ZBP1: variants seen among roughly 807,000 people sequenced by gnomAD.
The protein encoded by ZBP1 is Z-DNA-binding protein 1.
A neutral mutation model predicts 41.1 loss-of-function variants in ZBP1; 42 were observed. That is an observed-to-expected ratio of 1.02 (90% confidence interval 0.80 to 1.32). The LOEUF (loss-of-function observed/expected upper bound fraction) is 1.32. ZBP1 is among the 40% of genes most tolerant of loss of function. The pLI, the probability that ZBP1 is intolerant of heterozygous loss-of-function variation, is 0.00. For missense variants in ZBP1, 562 were observed against 549.7 expected (o/e 1.02, Z -0.22); for synonymous variants, 214 against 205.2 (o/e 1.04, Z -0.37).
chr20:57,606,502 G>T (rs2146555668), intron 7 of ZBP1, among the ~76,000 whole-genome samples: 1 of 152,386 alleles, frequency 6.6e-6, no homozygotes, highest in Middle Eastern at 3.4e-3. Context: ...CAACAGAGCA[G>T]GTTCTTAATG....
chr20:57,615,364 T>G (rs1047169106), intron 3 of ZBP1, 148 bp downstream of exon 3: 1 of 860,834 alleles, frequency 1.2e-6, no homozygotes, highest in Non-Finnish European at 1.9e-6. Flanking sequence ...GGGCTGGGTC[T>G]TGGCTCTGAA....
At position 57,616,319 on chromosome 20, in the gene ZBP1, A is replaced by G; in HGVS notation, c.184T>C (p.Ser62Pro). The stretch of plus-strand genomic sequence containing the variant: ...CCGCCCAAGCACCAGGTGGCAGGGG[A>G]TGTGAGGGAGACTTTCAACTCCTTT... ...MKKELKVSLT[S>P]PATWCLGGTD... is the part of the protein sequence containing the mutation. The change falls in exon 2 of 8, where the codon TCC (serine) becomes CCC (proline). Residue 62 changes from serine to proline, a missense_variant. Coordinates refer to ENST00000371173, the MANE Select transcript of ZBP1 (RefSeq NM_030776.3). The G allele has an allele frequency of 6.2e-7, 1 of 1,614,042 alleles. No homozygotes were observed. Among genetic ancestry groups the G allele is most frequent in the Non-Finnish European group, 8.5e-7 (1 of 1,180,010 alleles).
In ZBP1 at chr20:57,611,925, C is replaced by T. The variant is rs989550910; in HGVS notation, c.676G>A (p.Ala226Thr). Residue 226 changes from alanine to threonine, a missense_variant, in exon 6 of 8, where the codon GCC becomes ACC. Ala to Thr is a moderately conservative substitution (Grantham distance 58, BLOSUM62 0). Coordinates refer to ENST00000371173, the MANE Select transcript of ZBP1 (RefSeq NM_030776.3). ...RQTVSREDGS[A>T]GPRHLPSMAP... Reference sequence around the variant, plus strand: ...ATTGAAGGGAGGTGGCGTGGACCGGCGGAACCTGGCAGGGGACAGTGGCAC... The same window carrying T: ...ATTGAAGGGAGGTGGCGTGGACCGGTGGAACCTGGCAGGGGACAGTGGCAC... The T allele has an allele frequency of 1.1e-5, 17 of 1,555,506 alleles. No individual in the cohort carries two copies. Among genetic ancestry groups the T allele is most frequent in the African/African-American group, 1.4e-5 (1 of 73,412 alleles).
At chr20:57,614,017 T>A (rs1330246208) in intron 4 of ZBP1, among the ~76,000 whole-genome samples, 1 of 152,206 alleles carries the variant, frequency 6.6e-6, no homozygotes, top group Non-Finnish European at 1.5e-5. Flanking sequence ...TAACCCAGGC[T>A]GGATTTTTAA....
chr20:57,615,798 C>T, intron 2 of ZBP1: 1 of 546,040 alleles, frequency 1.8e-6, no homozygotes, highest in Non-Finnish European at 3.2e-6. Context: ...TCCTTTGCCT[C>T]CTGGGGTTGT....
In ZBP1 at chr20:57,604,288, G is replaced by T. The variant is rs541956989; in HGVS notation, c.*285C>A. Reference sequence around the variant, plus strand: ...CCGAGCCCAGGAAAGAGTGGAGAGAGTCCCCTGGGCCTGGGGGACCGAGCC... The same window carrying T: ...CCGAGCCCAGGAAAGAGTGGAGAGATTCCCCTGGGCCTGGGGGACCGAGCC... On this transcript the variant is annotated 3_prime_UTR_variant, in exon 8 of 8. Transcript: ENST00000371173. 10 of 575,972 alleles carry T rather than the reference G, an allele frequency of 1.7e-5. No homozygotes were observed. The highest frequency in any genetic ancestry group is 1.6e-4 in the South Asian group (10 of 64,220). 35.7% of individuals were successfully genotyped at this position (575,972 alleles called of 1,614,324 possible).
chr20:57,616,858 T>TCCTGCCTGGGACG, intron 1 of ZBP1: 1 of 252,258 alleles, frequency 4.0e-6, no homozygotes, highest in Non-Finnish European at 7.9e-6. Flanking sequence ...CAAAGGCAAG[T>TCCTGCCTGGGACG]CCTGCCTGGG....
Position 57,604,835 on chromosome 20 carries a change from G to A in ZBP1, c.1094-66C>T, listed in dbSNP as rs564312535. 26 of 1,451,826 alleles carry A rather than the reference G, an allele frequency of 1.8e-5. No homozygotes were observed. In the Admixed American group the frequency reaches 2.4e-4, roughly 13 times the overall value. The allele number at this position is 1,451,826 out of a possible 1,614,324, so 89.9% of individuals were successfully genotyped here. A position where few individuals can be genotyped will look rare whatever the true frequency, so the allele number is the denominator to read the frequency against. ...GGCCTGGGCATTTCCACAGGGACCC[G>A]CTCTTGGAAGGATTTCGAGCTCAGC... is the stretch of plus-strand genomic sequence containing the variant. On this transcript the variant is annotated intron_variant, in intron 7 of 7. Coordinates refer to ENST00000371173, the MANE Select transcript of ZBP1 (RefSeq NM_030776.3).
Position 57,604,666 on chromosome 20 carries a change from C to G in ZBP1, c.1197G>C (p.Met399Ile), listed in dbSNP as rs2070451553. ...CTTTGTGACTCCTGTTTCCAAGAGT[C>G]ATAGTTTCCAGCTTGGGGGTGAGCT... ...HSKLTPKLETMTLGNRSHKAA... is the reference protein window; with the variant it reads ...HSKLTPKLETITLGNRSHKAA... Residue 399 changes from methionine (M) to isoleucine (I), a missense_variant, in exon 8 of 8, where the codon ATG (methionine) becomes ATC (isoleucine). Transcript: ENST00000371173. 6.2e-7 allele frequency: 1 copy of G among 1,614,056 alleles called. No homozygotes were observed. The highest frequency in any genetic ancestry group is 1.3e-5 in the African/African-American group (1 of 74,920).
At chr20:57,615,150 C>T in intron 3 of ZBP1, 90 bp from the exon 4 acceptor site, 2 of 1,390,500 alleles carry the variant, frequency 1.4e-6, no homozygotes, top group South Asian at 2.6e-5. Flanking sequence ...CTGGACCCAG[C>T]CCCTCAAGGC....
chr20:57,620,078 C>T (rs757745136), intron 1 of ZBP1, 184 bp downstream of exon 1: 7 of 662,688 alleles, frequency 1.1e-5, no homozygotes, highest in Non-Finnish European at 1.9e-5. Context: ...CTTAAACAGT[C>T]CACCTACCTC....
At position 57,610,601 on chromosome 20, in the gene ZBP1, C is replaced by T; in HGVS notation, c.875-234G>A. On this transcript the variant is annotated intron_variant, in intron 6 of 7. Coordinates refer to ENST00000371173, the MANE Select transcript of ZBP1 (RefSeq NM_030776.3). The surrounding 1 kb of genome is among the most constrained non-coding windows in gnomAD (Gnocchi z 5.5). ...CCACTGATCCCGCAGTGGGTCTGCC[C>T]CACTGATCCCGCCCGGCTGATCTGG... is the stretch of plus-strand genomic sequence containing the variant. The T allele has an allele frequency of 1.7e-6, 1 of 584,460 alleles. No individual in the cohort carries two copies. Among genetic ancestry groups the T allele is most frequent in the Non-Finnish European group, 3.1e-6 (1 of 327,276 alleles). The allele number at this position is 584,460 out of a possible 1,614,324, so 36.2% of individuals were successfully genotyped here.
At chr20:57,608,641 C>T (rs2070558084) in intron 7 of ZBP1, among the ~76,000 whole-genome samples, 2 of 152,270 alleles carry the variant, frequency 1.3e-5, no homozygotes, top group African/African-American at 4.8e-5. Flanking sequence ...CTCCCAGATG[C>T]TCATGGCCTG....
At chr20:57,612,836 C>T (rs981702263) in intron 5 of ZBP1, 15 of 1,066,846 alleles carry the variant, frequency 1.4e-5, no homozygotes, top group Non-Finnish European at 1.4e-5. Context: ...TGAAAAACAC[C>T]GGACCCCATT....
Position 57,604,098 on chromosome 20 carries a change from T to C in ZBP1, c.*475A>G, listed in dbSNP as rs1454404434. On this transcript the variant is annotated 3_prime_UTR_variant, in exon 8 of 8. Coordinates refer to ENST00000371173, the MANE Select transcript of ZBP1 (RefSeq NM_030776.3). ...CCATGTTAGCCAGGACGGTCTGGAT[T>C]TCCTGACCTATTGATCCGCCCGCCT... 7.3e-6 allele frequency: 2 copies of C among 273,518 alleles called. No homozygotes were observed. The highest frequency in any genetic ancestry group is 7.2e-6 in the Non-Finnish European group (1 of 138,688). The allele number at this position is 273,518 out of a possible 1,614,324, so 16.9% of individuals were successfully genotyped here. A position where few individuals can be genotyped will look rare whatever the true frequency, so the allele number is the denominator to read the frequency against.
At position 57,620,296 on chromosome 20, in the gene ZBP1, G is replaced by T. The variant is rs2070978049; in HGVS notation, c.-1C>A. 1.9e-6 allele frequency: 3 copies of T among 1,595,722 alleles called. No homozygotes were observed. The highest frequency in any genetic ancestry group is 2.6e-6 in the Non-Finnish European group (3 of 1,170,660). On this transcript the variant is annotated 5_prime_UTR_variant, in exon 1 of 8. Coordinates refer to ENST00000371173, the MANE Select transcript of ZBP1 (RefSeq NM_030776.3). The stretch of plus-strand genomic sequence containing the variant: ...CCGGGTCAGCAGGAGCCTGGGCCAT[G>T]CTGACAGCAGCTGCAAGGAGTCGGA...
intron 1 of ZBP1, among the ~76,000 whole-genome samples, chr20:57,618,972 G>T (rs190227872): frequency 1.3e-5 from 2 of 152,374 alleles, no homozygotes; most frequent in Admixed American, 1.3e-4. Context: ...GTGGATGCAG[G>T]ACAAGCACTG....
intron 2 of ZBP1, 49 bp from the exon 3 acceptor site, chr20:57,615,629 C>T (rs377430559): frequency 9.0e-6 from 14 of 1,549,046 alleles, no homozygotes; most frequent in Non-Finnish European, 1.1e-5. Context: ...AAGACAGCAC[C>T]AGGCCTCCAC....
At chr20:57,616,631 G>A (rs989544054) in intron 1 of ZBP1, 163 bp from the exon 2 acceptor site, 12 of 672,258 alleles carry the variant, frequency 1.8e-5, no homozygotes, top group African/African-American at 1.3e-4. Flanking sequence ...AGAGCAGTAG[G>A]GCAGCTGCAT....
Sources: gnomAD v4.1 joint callset for allele counts (sites outside exome capture counted in the v4.1 genomes callset) on GRCh38, gnomAD v4.1.1 for gene constraint, Gnocchi (gnomAD v3.1) non-coding constraint, MANE v1.5 for transcripts, NCBI Gene and HGNC (gene_info 2026-07-23, HGNC 2026-07-21) for gene names.